Variants in TMC1 observed in about 807,000 individuals in gnomAD.
The protein encoded by TMC1 is transmembrane channel like 1.
A neutral mutation model predicts 105.8 loss-of-function variants in TMC1; 84 were observed. The ratio of observed to expected loss-of-function variants is 0.79; its 90% CI spans 0.67 to 0.95. The LOEUF (loss-of-function observed/expected upper bound fraction) is 0.95, where lower values mean the gene tolerates loss of function less well. Ranked by LOEUF, TMC1 falls within the 40% of genes least tolerant of loss-of-function variation. The probability of loss-of-function intolerance (pLI) is 0.00; values close to 1 mark genes in which losing one functional copy is unlikely to be tolerated. For synonymous variants in TMC1, 315 were observed against 311.5 expected, an observed-to-expected ratio of 1.01 and a Z score of -0.12; for missense variants, 817 against 914.1, an observed-to-expected ratio of 0.89 and a Z score of 1.37.
chr9:72,571,285 T>G (rs1824278979), intron 1 of TMC1, among the ~76,000 whole-genome samples: 1 of 151,076 alleles, frequency 6.6e-6, no homozygotes, highest in Middle Eastern at 3.2e-3. Flanking sequence ...ATAGCACCAT[T>G]GCACTCCAGA....
intron 1 of TMC1, among the ~76,000 whole-genome samples, chr9:72,564,964 C>T (rs1427419311): frequency 1.3e-5 from 2 of 152,196 alleles, no homozygotes; most frequent in Non-Finnish European, 2.9e-5. Context: ...TACATATTAA[C>T]TACTTACGTA....
At chr9:72,590,569 A>G (rs1290469725) in intron 2 of TMC1, among the ~76,000 whole-genome samples, 2 of 152,214 alleles carry the variant, frequency 1.3e-5, no homozygotes, top group African/African-American at 4.8e-5. Context: ...GTAAAATGGG[A>G]ACACTAATTA....
In TMC1 at chr9:72,585,254, C is replaced by A. The variant is rs181364947; in HGVS notation, c.-306+7231C>A. Among the ~76,000 whole-genome samples the A allele has an allele frequency of 8.3e-3, 1,248 of 150,970 alleles. 16 individuals carry two copies. Among genetic ancestry groups the A allele is most frequent in the South Asian group, 0.045 (213 of 4,766 alleles). On this transcript the variant is annotated intron_variant, in intron 2 of 23. Coordinates refer to ENST00000297784, the MANE Select transcript of TMC1 (RefSeq NM_138691.3). ...CAAGCTCCACCTCCTGGGTTCACGC[C>A]ATTCTCCGGCCGCAGCCTCCTGAGT...
At chr9:72,744,060 T>A (rs1424465422) in intron 10 of TMC1, among the ~76,000 whole-genome samples, 1 of 152,202 alleles carries the variant, frequency 6.6e-6, no homozygotes, top group African/African-American at 2.4e-5. Context: ...GCTGACATGA[T>A]TGGGCATGTT....
chr9:72,621,585 G>A (rs1350692406), intron 3 of TMC1, among the ~76,000 whole-genome samples: 2 of 152,028 alleles, frequency 1.3e-5, no homozygotes, highest in Non-Finnish European at 2.9e-5. Flanking sequence ...TGCTTTGAGA[G>A]CCACTTTAAT....
At chr9:72,640,380 C>T (rs1336584225) in intron 4 of TMC1, among the ~76,000 whole-genome samples, 1 of 152,188 alleles carries the variant, frequency 6.6e-6, no homozygotes, top group Non-Finnish European at 1.5e-5. Flanking sequence ...GTAGTCATCA[C>T]TCATCTCTTG....
intron 5 of TMC1, among the ~76,000 whole-genome samples, chr9:72,674,913 A>G (rs751172517): frequency 2.0e-4 from 31 of 152,220 alleles, no homozygotes; most frequent in South Asian, 8.3e-4. Context: ...CCATCAGGCT[A>G]TTGATGATAA....
At chr9:72,672,823 A>AACACACACAC (rs34028814) in intron 5 of TMC1, among the ~76,000 whole-genome samples, 35 of 139,920 alleles carry the variant, frequency 2.5e-4, no homozygotes, top group Admixed American at 8.7e-4. Flanking sequence ...AAGCCTGGGC[A>AACACACACAC]ACACACACAC....
At chr9:72,718,712 C>T (rs1826964188) in intron 8 of TMC1, among the ~76,000 whole-genome samples, 1 of 152,054 alleles carries the variant, frequency 6.6e-6, no homozygotes. Context: ...TTCAAGAGTA[C>T]GTCAGCTGTG....
At chr9:72,636,947 G>A (rs1319165446) in intron 4 of TMC1, among the ~76,000 whole-genome samples, 1 of 152,032 alleles carries the variant, frequency 6.6e-6, no homozygotes, top group Non-Finnish European at 1.5e-5. Flanking sequence ...CTCCAATTCA[G>A]AAGGCAGCCT....
At chr9:72,719,834 G>A (rs912650260) in intron 8 of TMC1, among the ~76,000 whole-genome samples, 1 of 152,152 alleles carries the variant, frequency 6.6e-6, no homozygotes, top group Non-Finnish European at 1.5e-5. Context: ...TTCATCTGCA[G>A]AATGGAGAGT....
intron 1 of TMC1, among the ~76,000 whole-genome samples, chr9:72,528,986 C>T (rs1343360347): frequency 6.6e-6 from 1 of 151,034 alleles, no homozygotes; most frequent in Admixed American, 6.6e-5. Flanking sequence ...TAAACTATAT[C>T]GTATAATAAC....
intron 4 of TMC1, among the ~76,000 whole-genome samples, chr9:72,635,944 A>T (rs1178559578): frequency 6.6e-6 from 1 of 152,206 alleles, no homozygotes; most frequent in Non-Finnish European, 1.5e-5. Context: ...AGCTCCACTA[A>T]ATAGGATAAC....
At chr9:72,729,136 C>T (rs1827166486) in intron 8 of TMC1, among the ~76,000 whole-genome samples, 1 of 152,012 alleles carries the variant, frequency 6.6e-6, no homozygotes, top group Non-Finnish European at 1.5e-5. Context: ...CCAAGACTTG[C>T]TTTAATTATT....
At chr9:72,700,374 G>A in intron 7 of TMC1, 144 bp from the exon 8 acceptor site, 2 of 523,298 alleles carry the variant, frequency 3.8e-6, no homozygotes, top group Non-Finnish European at 6.7e-6. Context: ...TCAGATTTGA[G>A]TTCTCATGCT....
At chr9:72,615,938 G>C (rs1328172913) in intron 2 of TMC1, among the ~76,000 whole-genome samples, 1 of 151,848 alleles carries the variant, frequency 6.6e-6, no homozygotes, top group Non-Finnish European at 1.5e-5. Flanking sequence ...AATAGAGATG[G>C]GGTTTCACCA....
intron 11 of TMC1, among the ~76,000 whole-genome samples, chr9:72,753,055 A>G (rs1317858232): frequency 1.3e-5 from 2 of 152,116 alleles, no homozygotes; most frequent in African/African-American, 4.8e-5. Context: ...ATATTTTTTT[A>G]TTAAGCTGAT....
intron 1 of TMC1, 128 bp downstream of exon 1, chr9:72,522,041 A>G (rs992402133): frequency 1.3e-5 from 2 of 152,080 alleles, no homozygotes; most frequent in Non-Finnish European, 2.9e-5. Context: ...ATAAAACTAT[A>G]TTTCCTCTAC....
At chr9:72,686,296 C>T (rs557604997) in intron 5 of TMC1, among the ~76,000 whole-genome samples, 1 of 152,066 alleles carries the variant, frequency 6.6e-6, no homozygotes, top group Non-Finnish European at 1.5e-5. Context: ...AGAGATCATA[C>T]GATTGGGAAT....
Sources: gnomAD v4.1 joint callset for allele counts (sites outside exome capture counted in the v4.1 genomes callset) on GRCh38, gnomAD v4.1.1 for gene constraint, MANE v1.5 for transcripts, NCBI Gene and HGNC (gene_info 2026-07-23, HGNC 2026-07-21) for gene names.